ZNF362: variants seen among roughly 807,000 people sequenced by gnomAD.
ZNF362 encodes zinc finger protein 362, also known as rotund homolog.
In ZNF362, 11 loss-of-function variants were observed where a neutral mutation model predicts 42.9. That is an observed-to-expected ratio of 0.26 (90% CI 0.16 to 0.42). The LOEUF (loss-of-function observed/expected upper bound fraction) is 0.42, where lower values mean the gene tolerates loss of function less well. Among genes scored for constraint, ZNF362 ranks in the 20% least tolerant of loss-of-function variants. ZNF362 has a pLI of 1.00. For synonymous variants in ZNF362, 255 were observed against 257.3 expected (o/e 0.99, Z 0.09); for missense variants, 362 against 576.2 (o/e 0.63, Z 3.81).
chr1:33,237,094 C>T, the ZNF362 span, among the ~76,000 whole-genome samples: 88 of 152,148 alleles, frequency 5.8e-4, no homozygotes, highest in Admixed American at 5.7e-3. Flanking sequence ...AGAACAAAAC[C>T]ACACATCACA....
chr1:33,282,185 A>G (rs1646000049), intron 6 of ZNF362, among the ~76,000 whole-genome samples: 2 of 152,192 alleles, frequency 1.3e-5, no homozygotes, highest in South Asian at 4.1e-4. Context: ...TGTCCATCAT[A>G]GCAGTGGTAG....
At chr1:33,172,315 G>A in the ZNF362 span, among the ~76,000 whole-genome samples, 1 of 152,188 alleles carries the variant, frequency 6.6e-6, no homozygotes, top group Admixed American at 6.5e-5. Context: ...GTTCCTTCAA[G>A]TCTCCAGGAT....
At position 33,288,200 on chromosome 1, in the gene ZNF362, GT is replaced by G. The variant is rs149994072; in HGVS notation, c.908+6391del. ...AGGGAGGCAGAGTCACCTGCCCCAG[GT>G]TACCCGGCTAAGAGGTGGCAGAAGC... On this transcript the variant is annotated intron_variant, in intron 6 of 8. Transcript: ENST00000539719. 3.3e-3 allele frequency among the ~76,000 whole-genome samples: 507 copies of G among 152,306 alleles called. 6 individuals carry two copies. Among genetic ancestry groups the G allele is most frequent in the African/African-American group, 0.012 (492 of 41,562 alleles).
intron 2 of ZNF362, among the ~76,000 whole-genome samples, chr1:33,271,601 G>A (rs1252308367): frequency 2.0e-5 from 3 of 152,240 alleles, no homozygotes; most frequent in African/African-American, 7.2e-5. Context: ...CAGTGGCTGG[G>A]ACTGTTGGAG....
the ZNF362 span, chr1:33,147,730 G>T: frequency 6.2e-7 from 1 of 1,607,062 alleles, no homozygotes; most frequent in Non-Finnish European, 8.5e-7. The surrounding 1 kb of genome is among the most constrained non-coding windows in gnomAD (Gnocchi z 8.1). Flanking sequence ...GGCTGGCACT[G>T]TGGGGGTTGG....
intron 8 of ZNF362, among the ~76,000 whole-genome samples, chr1:33,296,625 G>A (rs1448127534): frequency 1.4e-5 from 2 of 138,710 alleles, no homozygotes; most frequent in Non-Finnish European, 3.2e-5. Flanking sequence ...AAGGATAATT[G>A]GATGAGGAGG....
chr1:33,196,064 C>T, the ZNF362 span: 1 of 151,996 alleles, frequency 6.6e-6, no homozygotes, highest in Non-Finnish European at 1.5e-5. Flanking sequence ...TTAGGTTTTA[C>T]TTTTTAAACT....
the ZNF362 span, among the ~76,000 whole-genome samples, chr1:33,207,412 C>A: frequency 6.6e-6 from 1 of 152,146 alleles, no homozygotes; most frequent in Non-Finnish European, 1.5e-5. Flanking sequence ...AATAAACATA[C>A]CTGTGCATGT....
At chr1:33,174,945 G>GTGTA in the ZNF362 span, among the ~76,000 whole-genome samples, 345 of 141,722 alleles carry the variant, frequency 2.4e-3, 2 homozygotes, top group African/African-American at 8.9e-3. Context: ...ATATATGTGT[G>GTGTA]TATATATATA....
the ZNF362 span, among the ~76,000 whole-genome samples, chr1:33,199,607 A>C: frequency 9.2e-5 from 14 of 152,376 alleles, no homozygotes; most frequent in African/African-American, 3.4e-4. Flanking sequence ...TGGAAATGGC[A>C]ATTATGTGGG....
chr1:33,243,841 C>T, the ZNF362 span, among the ~76,000 whole-genome samples: 2 of 151,512 alleles, frequency 1.3e-5, no homozygotes, highest in Non-Finnish European at 2.9e-5. Context: ...ATCTCCTGAC[C>T]TCGTGATCCG....
chr1:33,264,562 A>T (rs10914673), intron 1 of ZNF362, among the ~76,000 whole-genome samples: 2,031 of 152,282 alleles, frequency 0.013, 45 homozygotes, highest in African/African-American at 0.046. Flanking sequence ...TTAGGTAACA[A>T]TCCCAAAGGC....
the ZNF362 span, among the ~76,000 whole-genome samples, chr1:33,199,635 T>A: frequency 6.6e-6 from 1 of 152,366 alleles, no homozygotes; most frequent in East Asian, 1.9e-4. Context: ...TAATGCCTTT[T>A]AAAAATTATT....
chr1:33,216,679 T>A, the ZNF362 span, among the ~76,000 whole-genome samples: 7 of 148,460 alleles, frequency 4.7e-5, no homozygotes, highest in East Asian at 1.4e-3. Flanking sequence ...GGAAAGAACA[T>A]TTATTTAGGA....
At chr1:33,147,156 T>A in the ZNF362 span, 1 of 1,607,938 alleles carries the variant, frequency 6.2e-7, no homozygotes, top group Non-Finnish European at 8.5e-7. This position sits in a 1 kb window ranked among gnomAD's most constrained non-coding sequence, Gnocchi z 8.1. Flanking sequence ...CCCAGGAGGT[T>A]GTGGTCTCCT....
chr1:33,139,895 C>T, the ZNF362 span, among the ~76,000 whole-genome samples: 1 of 152,154 alleles, frequency 6.6e-6, no homozygotes, highest in Non-Finnish European at 1.5e-5. Flanking sequence ...CATAATCTTT[C>T]CTCTGCTGCT....
the ZNF362 span, among the ~76,000 whole-genome samples, chr1:33,174,970 CACACATAT>C: frequency 1.8e-5 from 2 of 110,250 alleles, no homozygotes; most frequent in African/African-American, 8.9e-5. Context: ...TATATATATA[CACACATAT>C]ACATATATAT....
At chr1:33,180,836 C>T in the ZNF362 span, among the ~76,000 whole-genome samples, 4 of 151,334 alleles carry the variant, frequency 2.6e-5, no homozygotes, top group Admixed American at 2.0e-4. Context: ...CCCCCACGGC[C>T]CCGCCATGCG....
chr1:33,247,862 A>G, the ZNF362 span, among the ~76,000 whole-genome samples: 1,211 of 152,172 alleles, frequency 8.0e-3, 15 homozygotes, highest in African/African-American at 0.028. Context: ...AGCTCCTTAG[A>G]CTCGGTAGGA....
Sources: allele counts gnomAD v4.1 joint callset (sites outside exome capture counted in the v4.1 genomes callset), GRCh38; gene constraint gnomAD v4.1.1; non-coding constraint Gnocchi (gnomAD v3.1); transcripts MANE v1.5; gene names NCBI Gene and HGNC (gene_info 2026-07-23, HGNC 2026-07-21).